The following PPEF1 variants were observed in gnomAD, a reference collection of about 807,000 sequenced individuals.
PPEF1 encodes protein phosphatase with EF-hand domain 1, also known as serine/threonine-protein phosphatase with EF-hands 1.
A neutral mutation model predicts 53.3 loss-of-function variants in PPEF1; 12 were observed. The ratio of observed to expected loss-of-function variants is 0.23; its 90% confidence interval spans 0.14 to 0.36. The LOEUF (loss-of-function observed/expected upper bound fraction) is 0.36, where lower values mean the gene tolerates loss of function less well. Ranked by LOEUF, PPEF1 falls within the 10% of genes least tolerant of loss-of-function variation. PPEF1 has a pLI of 1.00. For synonymous variants in PPEF1, 165 were observed against 176.7 expected, an observed-to-expected ratio of 0.93 and a Z score of 0.52; for missense variants, 334 against 490.4, an observed-to-expected ratio of 0.68 and a Z score of 3.01.
chrX:18,756,380 A>G (rs772934454), intron 4 of PPEF1, among the ~76,000 whole-genome samples: 3 of 110,874 alleles, frequency 2.7e-5, no homozygotes, highest in Non-Finnish European at 3.8e-5. Flanking sequence ...GGGTTTCACC[A>G]TGTTAGCCAG....
At chrX:18,698,946 C>T (rs185151211) in intron 5 of PPEF1, among the ~76,000 whole-genome samples, 1 of 111,996 alleles carries the variant, frequency 8.9e-6, no homozygotes, top group Non-Finnish European at 1.9e-5. Flanking sequence ...GTGACTAATT[C>T]CCCTTTGGTG....
intron 14 of PPEF1, among the ~76,000 whole-genome samples, chrX:18,825,305 C>T (rs1053190478): frequency 2.7e-5 from 3 of 111,502 alleles, no homozygotes; most frequent in Non-Finnish European, 5.6e-5. Context: ...AGGCTTTTGA[C>T]GTCACTTCAG....
chrX:18,753,254 C>G (rs1158871380), intron 4 of PPEF1, among the ~76,000 whole-genome samples: 3 of 111,113 alleles, frequency 2.7e-5, no homozygotes, highest in African/African-American at 9.8e-5. Flanking sequence ...ATTTGTTCAT[C>G]TCATCTAAGT....
chrX:18,818,124 C>T lies in PPEF1; in HGVS notation c.1480C>T (p.Leu494Phe). The change falls in exon 13 of 16, where the codon CTT becomes TTT. Residue 494 changes from leucine to phenylalanine, a missense_variant. Leu to Phe is a conservative substitution (Grantham distance 22). Transcript: ENST00000470157. ...RKSDLTRAFQ[L>F]QDHRKSGKLS... Reference sequence around the variant, plus strand: ...AAGTGACCTTACTCGTGCTTTCCAACTTCAAGACCACAGAAAATCAGGTAA... The same window carrying T: ...AAGTGACCTTACTCGTGCTTTCCAATTTCAAGACCACAGAAAATCAGGTAA... The T allele has an allele frequency of 8.4e-7, 1 of 1,193,228 alleles. No individual in the cohort carries two copies. The highest frequency in any genetic ancestry group is 2.2e-5 in the Admixed American group (1 of 44,908).
At chrX:18,775,634 C>CT (rs1406655967) in intron 6 of PPEF1, among the ~76,000 whole-genome samples, 2 of 112,498 alleles carry the variant, frequency 1.8e-5, no homozygotes, top group Non-Finnish European at 3.8e-5. Flanking sequence ...AACTAGTTCT[C>CT]TGTTTCCTCC....
At chrX:18,690,621 C>T (rs769950325) in intron 3 of PPEF1, among the ~76,000 whole-genome samples, 1 of 112,083 alleles carries the variant, frequency 8.9e-6, no homozygotes, top group Non-Finnish European at 1.9e-5. Flanking sequence ...GTGATCTACC[C>T]GCCTTGGCCT....
Position 18,782,407 on chromosome X carries a change from G to A in PPEF1, c.762+5G>A. On this transcript the variant is annotated splice_donor_5th_base_variant and intron_variant, in intron 8 of 15. Transcript: ENST00000470157. ...GAAATTTTGCATAAATATAAGGTAA[G>A]ACATGCTTTTTTTTTTTTTTTTAGT... The A allele has an allele frequency of 9.7e-7, 1 of 1,029,981 alleles. No homozygotes were observed. Among genetic ancestry groups the A allele is most frequent in the Non-Finnish European group, 1.3e-6 (1 of 765,320 alleles). The allele number at this position is 1,029,981 out of a possible 1,213,427, so 84.9% of individuals were successfully genotyped here. A position where few individuals can be genotyped will look rare whatever the true frequency, so the allele number is the denominator to read the frequency against.
intron 6 of PPEF1, among the ~76,000 whole-genome samples, chrX:18,776,038 C>G (rs1289154977): frequency 1.8e-5 from 2 of 112,029 alleles, no homozygotes; most frequent in Admixed American, 9.5e-5. Context: ...CATGTTTTCA[C>G]CCCAGGGCTC....
At chrX:18,702,043 A>G (rs1249867799) in intron 6 of PPEF1, among the ~76,000 whole-genome samples, 5 of 111,942 alleles carry the variant, frequency 4.5e-5, no homozygotes, top group African/African-American at 1.6e-4. Flanking sequence ...AAGACCCCAG[A>G]CATAAGTAAT....
chrX:18,741,404 T>C (rs1007148592), intron 3 of PPEF1, among the ~76,000 whole-genome samples: 2 of 112,050 alleles, frequency 1.8e-5, no homozygotes, highest in Non-Finnish European at 3.8e-5. Context: ...GTTGTTTTAA[T>C]CTGCATTTTA....
chrX:18,798,048 A>G (rs1004628716), intron 10 of PPEF1, among the ~76,000 whole-genome samples: 8 of 110,396 alleles, frequency 7.2e-5, no homozygotes, highest in Non-Finnish European at 1.5e-4. Context: ...TAAGGAGAAC[A>G]GGAAAACTGG....
intron 1 of PPEF1, among the ~76,000 whole-genome samples, chrX:18,710,098 A>G (rs751570629): frequency 6.7e-4 from 75 of 112,049 alleles, no homozygotes; most frequent in Non-Finnish European, 1.2e-3. Flanking sequence ...GTATTTCAGT[A>G]GTGACTAATG....
chrX:18,762,110 A>T (rs1477251270), intron 6 of PPEF1, among the ~76,000 whole-genome samples: 3 of 111,635 alleles, frequency 2.7e-5, no homozygotes, highest in Non-Finnish European at 5.6e-5. Context: ...GAGAGCCAGC[A>T]CAGAGGGCAC....
intron 10 of PPEF1, among the ~76,000 whole-genome samples, chrX:18,798,106 A>T (rs2046469797): frequency 9.0e-6 from 1 of 110,683 alleles, no homozygotes; most frequent in South Asian, 3.9e-4. Flanking sequence ...TTTGAGACAG[A>T]GTCTCACTCC....
chrX:18,740,738 A>C lies in PPEF1; in HGVS notation c.235+6930A>C, dbSNP rs1369655793. Among the ~76,000 whole-genome samples the C allele has an allele frequency of 4.5e-5, 5 of 111,057 alleles. No homozygotes were observed. The East Asian group carries it at 1.4e-3, about 31-fold the overall frequency. ...TTCTCTTTGATCTGTCTGTCTGTCT[A>C]CCTATCATCTAGTCATTCTGAAGCA... On this transcript the variant is annotated intron_variant, in intron 3 of 15. Transcript: ENST00000470157.
chrX:18,740,648 A>G (rs1157468342), intron 3 of PPEF1, among the ~76,000 whole-genome samples: 1 of 110,714 alleles, frequency 9.0e-6, no homozygotes, highest in African/African-American at 3.3e-5. Context: ...TGACCTCGTG[A>G]TCTGCCTGCC....
chrX:18,686,682 C>T (rs1487382667), intron 3 of PPEF1, among the ~76,000 whole-genome samples: 1 of 110,932 alleles, frequency 9.0e-6, no homozygotes, highest in Non-Finnish European at 1.9e-5. Flanking sequence ...GATTCTATTA[C>T]AAGGAAGTTA....
chrX:18,754,048 G>A (rs1365744190), intron 4 of PPEF1, among the ~76,000 whole-genome samples: 4 of 72,615 alleles, frequency 5.5e-5, no homozygotes, highest in South Asian at 5.6e-4. Flanking sequence ...CACCAGGAGC[G>A]ATTTAAAAAA....
upstream of PPEF1, among the ~76,000 whole-genome samples, chrX:18,681,966 A>G (rs766104099): frequency 3.1e-4 from 35 of 112,411 alleles, no homozygotes; most frequent in Non-Finnish European, 6.6e-4. Context: ...ATTGTAAGCC[A>G]CTAACGTTTG....
Sources: allele counts gnomAD v4.1 joint callset (sites outside exome capture counted in the v4.1 genomes callset), GRCh38; gene constraint gnomAD v4.1.1; transcripts MANE v1.5; gene names NCBI Gene and HGNC (gene_info 2026-07-23, HGNC 2026-07-21).